STIP1: variants seen among roughly 807,000 people sequenced by gnomAD.
STIP1 encodes stress-induced-phosphoprotein 1.
In STIP1, 16 loss-of-function variants were observed where a neutral mutation model predicts 77.4. The ratio of observed to expected loss-of-function variants is 0.21; its 90% confidence interval spans 0.14 to 0.31. STIP1 has a LOEUF of 0.31. Among genes scored for constraint, STIP1 ranks in the 10% least tolerant of loss-of-function variants. The pLI, the probability that STIP1 is intolerant of heterozygous loss-of-function variation, is 1.00. For missense variants in STIP1, 524 were observed against 684.8 expected (o/e 0.77, Z 2.62); for synonymous variants, 258 against 246.6 (o/e 1.05, Z -0.44).
intron 1 of STIP1, among the ~76,000 whole-genome samples, chr11:64,186,980 C>T (rs949929032): frequency 6.6e-6 from 1 of 152,070 alleles, no homozygotes; most frequent in Non-Finnish European, 1.5e-5. Context: ...GGCCCCTCCC[C>T]CTCTTTTTGT....
intron 1 of STIP1, among the ~76,000 whole-genome samples, chr11:64,189,490 G>C (rs1946066955): frequency 6.6e-6 from 1 of 152,152 alleles, no homozygotes; most frequent in East Asian, 1.9e-4. Context: ...TTGCGCCACT[G>C]CCCTCCAGCC....
intron 4 of STIP1, 77 bp from the exon 5 acceptor site, chr11:64,195,568 T>C (rs1946140132): frequency 4.3e-6 from 6 of 1,388,896 alleles, no homozygotes; most frequent in Non-Finnish European, 5.8e-6. Flanking sequence ...CTGACTTTAG[T>C]AGTAAGTGGG....
chr11:64,191,640 A>G (rs1946094073), intron 1 of STIP1, among the ~76,000 whole-genome samples: 1 of 152,142 alleles, frequency 6.6e-6, no homozygotes, highest in African/African-American at 2.4e-5. Flanking sequence ...GAGCTTCTCA[A>G]GGGGTTGCCT....
Position 64,197,953 on chromosome 11 carries a change from T to C in STIP1, c.1002T>C (p.Asp334=). 16 of 1,613,578 alleles carry C rather than the reference T, an allele frequency of 9.9e-6. No individual in the cohort carries two copies. The highest frequency in any genetic ancestry group is 1.4e-5 in the Non-Finnish European group (16 of 1,179,814). The change falls in exon 8 of 14, where the codon GAT becomes GAC. Residue 334 remains aspartate, a synonymous_variant. Transcript: ENST00000305218. ...CTCTGGCAGAGCACCGAACCCCAGATGTGCTCAAGAAATGCCAGCAGGTGC... is the reference window on the plus strand; with the variant it reads ...CTCTGGCAGAGCACCGAACCCCAGACGTGCTCAAGAAATGCCAGCAGGTGC... ...NKSLAEHRTP[D]VLKKCQQAEK...
At chr11:64,203,768 T>A in intron 13 of STIP1, 146 bp downstream of exon 13, 1 of 1,112,388 alleles carries the variant, frequency 9.0e-7, no homozygotes, top group Non-Finnish European at 1.3e-6. Context: ...TGGCAGTGGG[T>A]GGCGAGCTGG....
chr11:64,198,753 G>GTTTTTTTTTTTTTT (rs371481270), intron 8 of STIP1, among the ~76,000 whole-genome samples: 3 of 111,028 alleles, frequency 2.7e-5, no homozygotes, highest in African/African-American at 3.5e-5. Context: ...TTTTTTTGTG[G>GTTTTTTTTTTTTTT]TTTTTTTTTT....
intron 1 of STIP1, among the ~76,000 whole-genome samples, chr11:64,187,532 T>A (rs1426843123): frequency 2.6e-5 from 4 of 152,226 alleles, no homozygotes; most frequent in Admixed American, 1.3e-4. Context: ...TGGTCTCTTG[T>A]AGCAGTTGCT....
rs974522464 is a variant in STIP1 at position 64,194,683 on chromosome 11, C to T, written c.503+63C>T. On this transcript the variant is annotated intron_variant, in intron 4 of 13. Coordinates refer to ENST00000305218, the MANE Select transcript of STIP1 (RefSeq NM_006819.3). ...GGAATGTTATGCTTTCTTCCTGTAACCTCACAGCAGAGGGTTCCCTGGTCT... is the reference window on the plus strand; with the variant it reads ...GGAATGTTATGCTTTCTTCCTGTAATCTCACAGCAGAGGGTTCCCTGGTCT... 16 of 1,579,978 alleles carry T rather than the reference C, an allele frequency of 1.0e-5. No individual in the cohort carries two copies. In the African/African-American group the frequency reaches 1.1e-4, roughly 11 times the overall value.
At chr11:64,193,506 G>T in intron 2 of STIP1, 1 of 555,670 alleles carries the variant, frequency 1.8e-6, no homozygotes, top group Non-Finnish European at 3.2e-6. Context: ...GGCCAGGGCT[G>T]GGCGCGGTGA....
At chr11:64,200,362 C>G (rs533401989) in intron 10 of STIP1, 69 bp downstream of exon 10, 1 of 1,541,012 alleles carries the variant, frequency 6.5e-7, no homozygotes, top group Non-Finnish European at 8.7e-7. Flanking sequence ...CTCTCTCTCT[C>G]CTCATCAACA....
intron 1 of STIP1, chr11:64,186,517 C>T (rs1000487518): frequency 9.9e-6 from 3 of 304,032 alleles, no homozygotes; most frequent in Non-Finnish European, 5.7e-6. Flanking sequence ...GAGGCCACAG[C>T]TTGGGTGAGT....
In STIP1 at chr11:64,197,324, C is replaced by T. The variant is rs1946161869; in HGVS notation, c.726C>T (p.Asp242=). The change falls in exon 6 of 14, where the codon GAC becomes GAT. Residue 242 remains aspartate (D), a synonymous_variant. Coordinates refer to ENST00000305218, the MANE Select transcript of STIP1 (RefSeq NM_006819.3). The part of the protein sequence containing the change: ...GNDAYKKKDF[D]TALKHYDKAK... ...ATGCCTACAAGAAGAAAGACTTTGA[C>T]ACAGCCTTGAAGCATTACGACAAAG... 1.2e-6 allele frequency: 2 copies of T among 1,614,060 alleles called. No homozygotes were observed. Among genetic ancestry groups the T allele is most frequent in the Admixed American group, 1.7e-5 (1 of 59,982 alleles).
At chr11:64,200,368 C>A in intron 10 of STIP1, 75 bp downstream of exon 10, 2 of 1,535,000 alleles carry the variant, frequency 1.3e-6, no homozygotes, top group South Asian at 1.3e-5. Flanking sequence ...CTCTCCTCAT[C>A]AACATTGAGT....
At chr11:64,195,916 G>A (rs1591010086) in intron 5 of STIP1, 103 bp downstream of exon 5, 2 of 1,517,396 alleles carry the variant, frequency 1.3e-6, no homozygotes, top group South Asian at 2.4e-5. Context: ...TGATTATTAT[G>A]GTTTTTTTAG....
chr11:64,187,350 C>T (rs1300402094), intron 1 of STIP1, among the ~76,000 whole-genome samples: 1 of 152,030 alleles, frequency 6.6e-6, no homozygotes, highest in Non-Finnish European at 1.5e-5. Context: ...CTACTGTCTT[C>T]GCTCCGGGCC....
chr11:64,188,276 G>A (rs1267318949), intron 1 of STIP1, among the ~76,000 whole-genome samples: 7 of 150,976 alleles, frequency 4.6e-5, no homozygotes, highest in Non-Finnish European at 5.9e-5. Context: ...CCCGGGAGGC[G>A]TAGGTTGCAG....
chr11:64,192,670 G>A (rs907264241), intron 1 of STIP1, among the ~76,000 whole-genome samples: 7 of 152,298 alleles, frequency 4.6e-5, no homozygotes, highest in South Asian at 2.1e-4. Context: ...GTGCCACTCC[G>A]CCCACCTTCT....
chr11:64,199,000 C>G lies in STIP1; in HGVS notation c.1024-940C>G, dbSNP rs1171270966. Among the ~76,000 whole-genome samples the G allele has an allele frequency of 2.0e-5, 3 of 148,742 alleles. No individual in the cohort carries two copies. In the South Asian group the frequency reaches 6.4e-4, roughly 32 times the overall value. ...GGATCACAAGGTCAGGAGTTCAAGA[C>G]CAGCCTGGCCAGGATGGTGAAACCC... On this transcript the variant is annotated intron_variant, in intron 8 of 13. Coordinates refer to ENST00000305218, the MANE Select transcript of STIP1 (RefSeq NM_006819.3).
chr11:64,185,818 T>C, upstream of STIP1: 1 of 1,535,776 alleles, frequency 6.5e-7, no homozygotes, highest in Non-Finnish European at 8.7e-7. Context: ...CTGAAGGCGG[T>C]TCCGACATGG....
Sources: gnomAD v4.1 joint callset for allele counts (sites outside exome capture counted in the v4.1 genomes callset) on GRCh38, gnomAD v4.1.1 for gene constraint, MANE v1.5 for transcripts, NCBI Gene and HGNC (gene_info 2026-07-23, HGNC 2026-07-21) for gene names.